The following FOXP2 variants were observed in gnomAD, a reference collection of about 807,000 sequenced individuals.
The protein encoded by FOXP2 is forkhead box P2.
FOXP2 carries 12 observed loss-of-function variants against 115.8 expected under a neutral mutation model. The observed-to-expected ratio is 0.10, with a 90% CI of 0.07 to 0.17. The LOEUF (loss-of-function observed/expected upper bound fraction) is 0.17, where lower values mean the gene tolerates loss of function less well. FOXP2 is among the 10% of genes least tolerant of loss of function. FOXP2 has a pLI of 1.00. For synonymous variants in FOXP2, 328 were observed against 297.7 expected (o/e 1.10, Z -1.05); for missense variants, 629 against 843.5 (o/e 0.75, Z 3.15).
chr7:114,663,430 T>C lies in FOXP2; in HGVS notation c.1770-20T>C. 6.7e-7 allele frequency: 1 copy of C among 1,495,056 alleles called. No individual in the cohort carries two copies. The highest frequency in any genetic ancestry group is 1.4e-5 in the African/African-American group (1 of 72,436). 92.6% of individuals were successfully genotyped at this position (1,495,056 alleles called of 1,614,324 possible). ...TTATATTTTGACGTATAAATGATCT[T>C]TATATATTTTTTTTTTCAGAAGTCC... On this transcript the variant is annotated intron_variant, in intron 14 of 16. Coordinates refer to ENST00000350908, the MANE Select transcript of FOXP2 (RefSeq NM_014491.4).
chr7:114,251,431 A>G (rs1413246304), intron 1 of FOXP2, among the ~76,000 whole-genome samples: 1 of 152,222 alleles, frequency 6.6e-6, no homozygotes, highest in Non-Finnish European at 1.5e-5. Context: ...ATCCATGAAC[A>G]TGGAATGTTC....
At chr7:114,410,266 C>G (rs529645633), upstream of FOXP2, among the ~76,000 whole-genome samples, 5 of 152,140 alleles carry the variant, frequency 3.3e-5, no homozygotes, top group African/African-American at 1.2e-4. Context: ...GAGACTAGAT[C>G]GGATTTTACT....
At chr7:114,278,342 A>G (rs1796244142) in intron 1 of FOXP2, among the ~76,000 whole-genome samples, 1 of 151,934 alleles carries the variant, frequency 6.6e-6, no homozygotes. Flanking sequence ...TTCATAAGCC[A>G]TATACCTGTG....
intron 2 of FOXP2, among the ~76,000 whole-genome samples, chr7:114,526,062 A>T (rs1315668039): frequency 1.3e-5 from 2 of 151,456 alleles, no homozygotes; most frequent in Non-Finnish European, 2.9e-5. Context: ...CAGTGAGCCA[A>T]GATCACACCA....
At chr7:114,456,883 G>GT (rs1305239901) in intron 2 of FOXP2, among the ~76,000 whole-genome samples, 1 of 151,864 alleles carries the variant, frequency 6.6e-6, no homozygotes, top group African/African-American at 2.4e-5. Flanking sequence ...CAGCATAGAT[G>GT]ATCCTGGAGG....
At chr7:114,501,284 AT>A (rs1797557236) in intron 2 of FOXP2, among the ~76,000 whole-genome samples, 1 of 152,110 alleles carries the variant, frequency 6.6e-6, no homozygotes, top group African/African-American at 2.4e-5. Flanking sequence ...ATTTTTCTAA[AT>A]ATTCATTTGT....
intron 1 of FOXP2, among the ~76,000 whole-genome samples, chr7:114,151,220 T>C (rs1298293756): frequency 2.0e-5 from 3 of 152,088 alleles, no homozygotes; most frequent in African/African-American, 4.8e-5. Context: ...AATGAGCAAA[T>C]AGGCAAAATC....
At chr7:114,286,570 G>T (rs1584608723) in intron 1 of FOXP2, among the ~76,000 whole-genome samples, 1 of 152,068 alleles carries the variant, frequency 6.6e-6, no homozygotes, top group African/African-American at 2.4e-5. Context: ...AATTGTGGAA[G>T]AAAAATTAAC....
At chr7:114,273,046 A>G (rs975281617) in intron 1 of FOXP2, among the ~76,000 whole-genome samples, 38 of 151,932 alleles carry the variant, frequency 2.5e-4, no homozygotes, top group Middle Eastern at 3.4e-3. Context: ...TGGATTTCAT[A>G]TCTTTTTTTC....
At chr7:114,178,864 A>G (rs1459859277) in intron 1 of FOXP2, among the ~76,000 whole-genome samples, 1 of 151,976 alleles carries the variant, frequency 6.6e-6, no homozygotes, top group Non-Finnish European at 1.5e-5. Context: ...GCATATTCCT[A>G]CACAGAATAT....
intron 3 of FOXP2, among the ~76,000 whole-genome samples, chr7:114,550,357 C>T (rs917857503): frequency 6.6e-5 from 10 of 152,066 alleles, no homozygotes; most frequent in South Asian, 2.1e-4. Context: ...ACCTCGTGAT[C>T]CACCTGCCTC....
intron 1 of FOXP2, among the ~76,000 whole-genome samples, chr7:114,195,887 A>T (rs1353930623): frequency 1.3e-5 from 2 of 152,180 alleles, no homozygotes; most frequent in African/African-American, 4.8e-5. Context: ...GAGGCTAAGG[A>T]GGGAGAATCG....
chr7:114,538,284 A>T (rs1365234016), intron 3 of FOXP2: 1 of 1,229,646 alleles, frequency 8.1e-7, no homozygotes, highest in African/African-American at 1.6e-5. Context: ...TTTAGTTTAG[A>T]TATGAAAATT....
intron 3 of FOXP2, among the ~76,000 whole-genome samples, chr7:114,589,855 T>C (rs917538511): frequency 2.0e-5 from 3 of 152,182 alleles, no homozygotes; most frequent in Non-Finnish European, 4.4e-5. Context: ...ACTTAGGCCC[T>C]TCCATCTGCT....
At chr7:114,320,808 C>G (rs1254276066) in intron 2 of FOXP2, among the ~76,000 whole-genome samples, 1 of 152,106 alleles carries the variant, frequency 6.6e-6, no homozygotes, top group Non-Finnish European at 1.5e-5. Context: ...CCTAAGAAAA[C>G]AGAACATTTT....
At chr7:114,431,824 G>T (rs888338277) in intron 2 of FOXP2, among the ~76,000 whole-genome samples, 15 of 151,746 alleles carry the variant, frequency 9.9e-5, no homozygotes, top group Non-Finnish European at 1.8e-4. Context: ...AATGTGAAAT[G>T]GTGGAAAACT....
At position 114,631,605 on chromosome 7, in the gene FOXP2, A is replaced by G; in HGVS notation, c.675A>G (p.Gln225=). The change falls in exon 6 of 17, where the codon CAA becomes CAG. Residue 225 remains glutamine (Q), a synonymous_variant. Transcript: ENST00000350908. The part of the protein sequence containing the change: ...LVFQQQLLQM[Q]QLQQQQHLLS... Reference sequence around the variant, plus strand: ...TCCAGCAGCAGCTTCTCCAGATGCAACAACTCCAGCAGCAGCAGCATCTGC... The same window carrying G: ...TCCAGCAGCAGCTTCTCCAGATGCAGCAACTCCAGCAGCAGCAGCATCTGC... The G allele has an allele frequency of 6.2e-7, 1 of 1,612,404 alleles. No individual in the cohort carries two copies. Among genetic ancestry groups the G allele is most frequent in the Non-Finnish European group, 8.5e-7 (1 of 1,179,240 alleles).
At chr7:114,340,563 T>A (rs549175255) in intron 2 of FOXP2, among the ~76,000 whole-genome samples, 1 of 151,304 alleles carries the variant, frequency 6.6e-6, no homozygotes, top group South Asian at 2.1e-4. Flanking sequence ...ATTTTCAACC[T>A]TTTTTGCAAA....
At chr7:114,457,385 A>AT (rs1244770813) in intron 2 of FOXP2, among the ~76,000 whole-genome samples, 2 of 152,236 alleles carry the variant, frequency 1.3e-5, no homozygotes, top group East Asian at 3.9e-4. Context: ...TCTACTTTTT[A>AT]TCCCCTTGAT....
Sources: gnomAD v4.1 joint callset for allele counts (sites outside exome capture counted in the v4.1 genomes callset) on GRCh38, gnomAD v4.1.1 for gene constraint, MANE v1.5 for transcripts, NCBI Gene and HGNC (gene_info 2026-07-23, HGNC 2026-07-21) for gene names.